The following ASTN1 variants were observed in gnomAD, a reference collection of about 807,000 sequenced individuals.
ASTN1 encodes astrotactin 1.
Under a neutral mutation model 140.7 loss-of-function variants are expected in ASTN1, and 41 were observed. The observed-to-expected ratio is 0.29, with a 90% confidence interval of 0.23 to 0.38. The LOEUF is 0.38. Ranked by LOEUF, ASTN1 falls within the 10% of genes least tolerant of loss-of-function variation. ASTN1 has a pLI of 1.00. For missense variants in ASTN1, 1,479 were observed against 1,678.8 expected (o/e 0.88, Z 2.08); for synonymous variants, 640 against 652.2 (o/e 0.98, Z 0.29).
chr1:177,096,348 G>A (rs1341541694), intron 1 of ASTN1, among the ~76,000 whole-genome samples: 1 of 152,106 alleles, frequency 6.6e-6, no homozygotes, highest in Non-Finnish European at 1.5e-5. Flanking sequence ...GGACATTTGG[G>A]GGCCTAGGGG....
chr1:177,062,156 T>G (rs1370259394), intron 1 of ASTN1, among the ~76,000 whole-genome samples: 3 of 152,192 alleles, frequency 2.0e-5, no homozygotes, highest in Non-Finnish European at 4.4e-5. Flanking sequence ...AAAACCTGAT[T>G]AACTGAGTCT....
chr1:177,017,919 A>C (rs188152279), intron 7 of ASTN1, among the ~76,000 whole-genome samples: 20 of 152,144 alleles, frequency 1.3e-4, no homozygotes, highest in African/African-American at 4.8e-4. Context: ...TTAAAGAAAA[A>C]CCTTGAAGCT....
At position 177,164,652 on chromosome 1, in the gene ASTN1, G is replaced by A. The variant is rs769384573; in HGVS notation, c.25C>T (p.Leu9=). 1 of 1,596,928 alleles carries A rather than the reference G, an allele frequency of 6.3e-7. No individual in the cohort carries two copies. The highest frequency in any genetic ancestry group is 1.1e-5 in the South Asian group (1 of 89,194). MALAGLCA[L]LACCWGPAAV... is the part of the protein sequence containing the mutation. ...GCCGGCCCCCAGCAGCAGGCGAGCAGGGCGCAGAGCCCGGCTAAAGCCATC... is the reference window on the plus strand; with the variant it reads ...GCCGGCCCCCAGCAGCAGGCGAGCAAGGCGCAGAGCCCGGCTAAAGCCATC... The change falls in exon 1 of 23, where the codon CTG becomes TTG. Residue 9 remains leucine, a synonymous_variant. Coordinates refer to ENST00000361833, the MANE Select transcript of ASTN1 (RefSeq NM_004319.3).
At chr1:177,102,358 T>C (rs2102132917) in intron 1 of ASTN1, among the ~76,000 whole-genome samples, 1 of 152,330 alleles carries the variant, frequency 6.6e-6, no homozygotes, top group African/African-American at 2.4e-5. Context: ...ATAAAACCTA[T>C]GCAGGTTATA....
At chr1:177,081,309 A>G (rs1255996348) in intron 1 of ASTN1, among the ~76,000 whole-genome samples, 1 of 152,204 alleles carries the variant, frequency 6.6e-6, no homozygotes, top group African/African-American at 2.4e-5. Context: ...TATGAATTGT[A>G]TTTCATGCCA....
chr1:176,939,392 C>A (rs999731785), intron 14 of ASTN1, among the ~76,000 whole-genome samples: 1 of 152,186 alleles, frequency 6.6e-6, no homozygotes, highest in Admixed American at 6.5e-5. Flanking sequence ...ATGGGCCAAA[C>A]AACCGAACTC....
intron 1 of ASTN1, among the ~76,000 whole-genome samples, chr1:177,104,490 G>C (rs932089432): frequency 3.3e-5 from 5 of 152,152 alleles, no homozygotes; most frequent in African/African-American, 1.2e-4. Flanking sequence ...ACATGTGTTT[G>C]TGCTGTGACG....
intron 2 of ASTN1, among the ~76,000 whole-genome samples, chr1:177,041,317 AG>A (rs1473225684): frequency 6.6e-6 from 1 of 152,226 alleles, no homozygotes; most frequent in Non-Finnish European, 1.5e-5. Flanking sequence ...ATGTGTTAAG[AG>A]GCTGGCCCCA....
At chr1:176,983,508 G>A (rs968314118) in intron 8 of ASTN1, among the ~76,000 whole-genome samples, 1 of 152,052 alleles carries the variant, frequency 6.6e-6, no homozygotes, top group African/African-American at 2.4e-5. Context: ...TCTTTTCCCT[G>A]GTATATTTGT....
At chr1:177,144,430 T>G (rs112381136) in intron 1 of ASTN1, among the ~76,000 whole-genome samples, 5 of 150,414 alleles carry the variant, frequency 3.3e-5, no homozygotes, top group African/African-American at 1.2e-4. Flanking sequence ...TTTTTTGTAT[T>G]TTTAGTAGAG....
In ASTN1 at chr1:176,968,479, C is replaced by G. The variant is rs227986; in HGVS notation, c.1524-3242G>C. On this transcript the variant is annotated intron_variant, in intron 8 of 22. Transcript: ENST00000361833. ...CAAAGCCCCGACACCCCACCTCCCACCTCCCACTTCCCACCCAGTGGTCAC... is the reference window on the plus strand; with the variant it reads ...CAAAGCCCCGACACCCCACCTCCCAGCTCCCACTTCCCACCCAGTGGTCAC... Among the ~76,000 whole-genome samples, 468 of 152,312 alleles carry G rather than the reference C, an allele frequency of 3.1e-3. 4 individuals carry two copies. Among genetic ancestry groups the G allele is most frequent in the African/African-American group, 0.011 (452 of 41,570 alleles).
At chr1:177,068,768 A>G (rs1458511950) in intron 1 of ASTN1, among the ~76,000 whole-genome samples, 1 of 150,312 alleles carries the variant, frequency 6.7e-6, no homozygotes, top group Non-Finnish European at 1.5e-5. Flanking sequence ...AATTTTTAGA[A>G]TCAGACGTTT....
chr1:176,889,814 C>T (rs1483914246), intron 17 of ASTN1, among the ~76,000 whole-genome samples: 1 of 152,134 alleles, frequency 6.6e-6, no homozygotes, highest in East Asian at 1.9e-4. Flanking sequence ...TGCCCAGGGT[C>T]ATAGGGTGGT....
Position 176,987,613 on chromosome 1 carries a change from T to G in ASTN1, c.1524-22376A>C, listed in dbSNP as rs547688585. Among the ~76,000 whole-genome samples, 9 of 152,326 alleles carry G rather than the reference T, an allele frequency of 5.9e-5. No homozygotes were observed. The South Asian group carries it at 1.9e-3, about 32-fold the overall frequency. ...ATCCATTGCCCTGTCATGCCCACTA[T>G]TCCCTGAATAAGCTATGTGCATTTC... On this transcript the variant is annotated intron_variant, in intron 8 of 22. Transcript: ENST00000361833.
intron 2 of ASTN1, among the ~76,000 whole-genome samples, chr1:177,037,323 A>G (rs977086850): frequency 2.0e-5 from 3 of 152,188 alleles, no homozygotes; most frequent in African/African-American, 7.2e-5. Flanking sequence ...AGATGCACAT[A>G]TCTCACACAG....
At chr1:176,879,512 A>C (rs1668701400) in intron 20 of ASTN1, among the ~76,000 whole-genome samples, 1 of 152,114 alleles carries the variant, frequency 6.6e-6, no homozygotes, top group South Asian at 2.1e-4. Context: ...CTATAATGAG[A>C]AACATCCTAC....
intron 1 of ASTN1, among the ~76,000 whole-genome samples, chr1:177,093,455 A>G (rs1320690293): frequency 1.3e-5 from 2 of 152,124 alleles, no homozygotes; most frequent in Non-Finnish European, 2.9e-5. Context: ...TTCCTCTAAA[A>G]CCATTATTTT....
intron 1 of ASTN1, among the ~76,000 whole-genome samples, chr1:177,115,276 T>G (rs1238621482): frequency 2.6e-5 from 4 of 152,084 alleles, no homozygotes; most frequent in Non-Finnish European, 4.4e-5. Flanking sequence ...CCCTCCAAAC[T>G]CAGACCCTAT....
chr1:177,013,159 C>A (rs2101936763), intron 8 of ASTN1, among the ~76,000 whole-genome samples: 1 of 152,302 alleles, frequency 6.6e-6, no homozygotes, highest in South Asian at 2.1e-4. Context: ...TGCCCTTCTA[C>A]AAACACCTTC....
Sources: allele counts gnomAD v4.1 joint callset (sites outside exome capture counted in the v4.1 genomes callset), GRCh38; gene constraint gnomAD v4.1.1; transcripts MANE v1.5; gene names NCBI Gene and HGNC (gene_info 2026-07-23, HGNC 2026-07-21).